TASOR: variants seen among roughly 807,000 people sequenced by gnomAD.
TASOR encodes the protein protein TASOR.
A neutral mutation model predicts 178.6 loss-of-function variants in TASOR; 53 were observed. That is an observed-to-expected ratio of 0.30 (90% CI 0.24 to 0.37). The LOEUF (loss-of-function observed/expected upper bound fraction) is 0.37, where lower values mean the gene tolerates loss of function less well. TASOR is among the 10% of genes least tolerant of loss of function. The pLI is 1.00. For missense variants in TASOR, 1,815 were observed against 1,971.4 expected, an observed-to-expected ratio of 0.92 and a Z score of 1.50; for synonymous variants, 713 against 696.2, an observed-to-expected ratio of 1.02 and a Z score of -0.38.
At chr3:56,662,139 A>G (rs946684271) in intron 9 of TASOR, among the ~76,000 whole-genome samples, 1 of 152,030 alleles carries the variant, frequency 6.6e-6, no homozygotes, top group Non-Finnish European at 1.5e-5. Flanking sequence ...TCAAAAAAAA[A>G]AAAAAAAGAT....
At position 56,641,723 on chromosome 3, in the gene TASOR, G is replaced by C. The variant is rs748149395; in HGVS notation, c.2245C>G (p.His749Asp). 3 of 1,614,054 alleles carry C rather than the reference G, an allele frequency of 1.9e-6. No individual in the cohort carries two copies. Among genetic ancestry groups the C allele is most frequent in the Admixed American group, 1.7e-5 (1 of 60,008 alleles). ...TGCTGCCGCCTCAAGTCAGCATCATGTCCAAGTGAGCCAATAGGCTGTGGA... is the reference window on the plus strand; with the variant it reads ...TGCTGCCGCCTCAAGTCAGCATCATCTCCAAGTGAGCCAATAGGCTGTGGA... ...ESPQPIGSLGHDADLRRQQQD... is the reference protein window; with the variant it reads ...ESPQPIGSLGDDADLRRQQQD... The change falls in exon 15 of 24, where the codon CAT becomes GAT. Residue 749 changes from histidine to aspartate, a missense_variant. Around this residue, in one of 5 missense-constraint regions of TASOR, gnomAD observed 655 missense variants for 671.1 expected, o/e 0.98. Transcript: ENST00000683822.
At position 56,641,566 on chromosome 3, in the gene TASOR, G is replaced by A. The variant is rs1249416110; in HGVS notation, c.2402C>T (p.Thr801Ile). ...DTVNKALGLS[T>I]DDAYEELRQK... ...CCTCAGCTCTTCATAGGCATCATCAGTGCTCAATCCTAAGGCTTTGTTGAC... is the reference window on the plus strand; with the variant it reads ...CCTCAGCTCTTCATAGGCATCATCAATGCTCAATCCTAAGGCTTTGTTGAC... Residue 801 changes from threonine (T) to isoleucine (I), a missense_variant, in exon 15 of 24, where the codon ACT becomes ATT. Physicochemically the swap from Thr to Ile is moderately conservative, Grantham distance 89. Transcript: ENST00000683822. 1.2e-6 allele frequency: 2 copies of A among 1,614,090 alleles called. No individual in the cohort carries two copies. The highest frequency in any genetic ancestry group is 1.7e-6 in the Non-Finnish European group (2 of 1,180,048).
At chr3:56,671,465 C>T in intron 3 of TASOR, 135 bp downstream of exon 3, 1 of 570,608 alleles carries the variant, frequency 1.8e-6, no homozygotes. Context: ...AAACATTTTG[C>T]CCCATTAAAT....
In TASOR at chr3:56,623,561, A is replaced by G; in HGVS notation, c.4489T>C (p.Leu1497=). 1.3e-6 allele frequency: 2 copies of G among 1,566,372 alleles called. No homozygotes were observed. The highest frequency in any genetic ancestry group is 4.5e-5 in the East Asian group (2 of 44,690). ...TCTTCATCCTTTTCATCGTTTTCTA[A>G]AAGAGCTACATTTAAAAAACAAAAA... is the stretch of plus-strand genomic sequence containing the variant. The part of the protein sequence containing the change: ...NENLESQSAL[L]ENDEKDEEDM... The change falls in exon 24 of 24, where the codon TTA becomes CTA. Residue 1497 remains leucine (L), a synonymous_variant. Transcript: ENST00000683822.
rs557208964 is a variant in TASOR, at chr3:56,668,665, T to C, written c.736-107A>G. The C allele has an allele frequency of 4.4e-5, 38 of 856,790 alleles. No homozygotes were observed. The East Asian group carries it at 1.1e-3, about 24-fold the overall frequency. The allele number at this position is 856,790 out of a possible 1,614,324, so 53.1% of individuals were successfully genotyped here. On this transcript the variant is annotated intron_variant, in intron 5 of 23. Coordinates refer to ENST00000683822, the MANE Select transcript of TASOR (RefSeq NM_001365635.2). Reference sequence around the variant, plus strand: ...GAATATAGATCAACTATCCCAACCATTTTTTCCCTTTAATATCTCACAGAA... The same window carrying C: ...GAATATAGATCAACTATCCCAACCACTTTTTCCCTTTAATATCTCACAGAA...
chr3:56,641,374 G>C lies in TASOR; in HGVS notation c.2594C>G (p.Thr865Ser). 1 of 1,595,854 alleles carries C rather than the reference G, an allele frequency of 6.3e-7. No individual in the cohort carries two copies. Among genetic ancestry groups the C allele is most frequent in the Non-Finnish European group, 8.6e-7 (1 of 1,164,556 alleles). ...SVAISTSEVG[T>S]DHKLHLKEDP... ...TTCTTTCAAATGTAGCTTATGGTCA[G>C]TGCCCACTTCGCTGGTAGAAATAGC... is the stretch of plus-strand genomic sequence containing the variant. Residue 865 changes from threonine (T) to serine (S), a missense_variant, in exon 15 of 24, where the codon ACT becomes AGT. By Grantham distance (58) the Thr-to-Ser change is moderately conservative (BLOSUM62 1). Transcript: ENST00000683822.
intron 1 of TASOR, among the ~76,000 whole-genome samples, chr3:56,675,508 T>C (rs753642364): frequency 1.1e-4 from 16 of 152,306 alleles, no homozygotes; most frequent in Admixed American, 1.3e-4. Context: ...TTAAATCAAC[T>C]ATGCAATTAG....
At chr3:56,647,976 A>G (rs1365814414) in intron 13 of TASOR, among the ~76,000 whole-genome samples, 1 of 152,168 alleles carries the variant, frequency 6.6e-6, no homozygotes, top group African/African-American at 2.4e-5. Context: ...AGGTAGTTGG[A>G]TCGCTTCAGG....
At chr3:56,663,664 G>C (rs1353788581) in intron 7 of TASOR, 92 bp from the exon 8 acceptor site, 1 of 1,167,494 alleles carries the variant, frequency 8.6e-7, no homozygotes, top group African/African-American at 1.6e-5. Flanking sequence ...ATTTTTAATG[G>C]CATACTACAG....
At chr3:56,640,290 T>C (rs550055251) in intron 15 of TASOR, among the ~76,000 whole-genome samples, 160 bp from the exon 16 acceptor site, 3 of 152,314 alleles carry the variant, frequency 2.0e-5, no homozygotes, top group African/African-American at 7.2e-5. Context: ...AATTAAAACA[T>C]CTTTTCCCTC....
Position 56,673,822 on chromosome 3 carries a change from T to TG in TASOR, c.332-98dup, listed in dbSNP as rs1168374546. On this transcript the variant is annotated intron_variant, in intron 1 of 23. Transcript: ENST00000683822. ...TGGGTTAATGTAACTTTAAATACCA[T>TG]GAAAAAAGGCATCAAGGCTATCTTA... 5.5e-5 allele frequency: 56 copies of TG among 1,019,290 alleles called. No homozygotes were observed. In the East Asian group the frequency reaches 1.4e-3, roughly 26 times the overall value. The allele number at this position is 1,019,290 out of a possible 1,614,324, so 63.1% of individuals were successfully genotyped here.
At chr3:56,679,590 G>A (rs951300556) in intron 1 of TASOR, among the ~76,000 whole-genome samples, 1 of 152,132 alleles carries the variant, frequency 6.6e-6, no homozygotes, top group Non-Finnish European at 1.5e-5. Context: ...ATTACTTCTG[G>A]ACTAAACCAG....
In TASOR at chr3:56,683,245, C is replaced by T. The variant is rs992292347; in HGVS notation, c.-239G>A. 11 of 433,016 alleles carry T rather than the reference C, an allele frequency of 2.5e-5. No individual in the cohort carries two copies. The highest frequency in any genetic ancestry group is 4.1e-5 in the Non-Finnish European group (10 of 246,674). 26.8% of individuals were successfully genotyped at this position (433,016 alleles called of 1,614,324 possible). ...CCCTCGGGCAGTTCTTCTGCCTTCC[C>T]CCGCCACTCAACGTGCGCGCGTCGG... On this transcript the variant is annotated 5_prime_UTR_variant, in exon 1 of 24. Coordinates refer to ENST00000683822, the MANE Select transcript of TASOR (RefSeq NM_001365635.2).
At chr3:56,628,418 G>A in intron 19 of TASOR, 74 bp downstream of exon 19, 1 of 1,325,246 alleles carries the variant, frequency 7.5e-7, no homozygotes, top group African/African-American at 1.5e-5. Flanking sequence ...AAAAACACTA[G>A]TCTGGCAGAC....
At chr3:56,677,397 C>T (rs2031396107) in intron 1 of TASOR, among the ~76,000 whole-genome samples, 1 of 152,170 alleles carries the variant, frequency 6.6e-6, no homozygotes, top group Admixed American at 6.5e-5. Context: ...GTACCACCTT[C>T]AATACTGTAC....
chr3:56,663,457 T>G, intron 8 of TASOR, 84 bp downstream of exon 8: 2 of 798,482 alleles, frequency 2.5e-6, no homozygotes, highest in Non-Finnish European at 3.4e-6. Context: ...TCATTCATTA[T>G]AAAAATAATA....
In TASOR at chr3:56,682,753, A is replaced by G. The variant is rs1371644143; in HGVS notation, c.254T>C (p.Leu85Pro). 1.3e-5 allele frequency: 20 copies of G among 1,537,274 alleles called. No individual in the cohort carries two copies. The highest frequency in any genetic ancestry group is 1.7e-5 in the Non-Finnish European group (19 of 1,139,496). Residue 85 changes from leucine to proline, a missense_variant, in exon 1 of 24, where the codon CTG (leucine) becomes CCG (proline). Leu to Pro is a moderately conservative substitution (Grantham distance 98, BLOSUM62 -3). Coordinates refer to ENST00000683822, the MANE Select transcript of TASOR (RefSeq NM_001365635.2). ...QDSSEAGAAALPRGPEEPERP... is the reference protein window; with the variant it reads ...QDSSEAGAAAPPRGPEEPERP... Reference sequence around the variant, plus strand: ...TTCGGGCTCTTCGGGGCCTCTGGGCAGGGCGGCCGCGCCCGCCTCAGAGGA... The same window carrying G: ...TTCGGGCTCTTCGGGGCCTCTGGGCGGGGCGGCCGCGCCCGCCTCAGAGGA...
chr3:56,678,808 C>T (rs890198054), intron 1 of TASOR, among the ~76,000 whole-genome samples: 1 of 151,908 alleles, frequency 6.6e-6, no homozygotes, highest in African/African-American at 2.4e-5. Flanking sequence ...GTCAGGAGTT[C>T]CAGACCAGCC....
At chr3:56,651,405 G>A (rs1210530634) in intron 11 of TASOR, among the ~76,000 whole-genome samples, 2 of 151,970 alleles carry the variant, frequency 1.3e-5, no homozygotes, top group Non-Finnish European at 1.5e-5. Context: ...ATAAATACAT[G>A]TACAATGGGC....
Sources: gnomAD v4.1 joint callset for allele counts (sites outside exome capture counted in the v4.1 genomes callset) on GRCh38, gnomAD v4.1.1 for gene constraint, gnomAD v4.1.1 regional missense constraint, MANE v1.5 for transcripts, NCBI Gene and HGNC (gene_info 2026-07-23, HGNC 2026-07-21) for gene names.